LRRC4C: variants seen among roughly 807,000 people sequenced by gnomAD.
LRRC4C encodes the protein leucine-rich repeat-containing protein 4C.
LRRC4C carries 5 observed loss-of-function variants against 33.6 expected under a neutral mutation model. That is an observed-to-expected ratio of 0.15 (90% confidence interval 0.08 to 0.31). The LOEUF is 0.31. LRRC4C is among the 10% of genes least tolerant of loss of function. LRRC4C has a pLI of 1.00. For synonymous variants in LRRC4C, 329 were observed against 302.0 expected, an observed-to-expected ratio of 1.09 and a Z score of -0.93; for missense variants, 560 against 796.7, an observed-to-expected ratio of 0.70 and a Z score of 3.58.
chr11:40,480,946 G>C (rs74762520), intron 3 of LRRC4C, among the ~76,000 whole-genome samples: 1,562 of 151,834 alleles, frequency 0.01, 25 homozygotes, highest in African/African-American at 0.036. Flanking sequence ...AGTGGGGAGA[G>C]GTTGTTTAAA....
intron 1 of LRRC4C, among the ~76,000 whole-genome samples, chr11:40,951,249 A>AG (rs910989938): frequency 1.3e-4 from 19 of 151,998 alleles, no homozygotes; most frequent in African/African-American, 4.6e-4. Flanking sequence ...AAAAGAAGAA[A>AG]GCCTTGTTTT....
At chr11:40,699,399 A>C (rs1945753198) in intron 2 of LRRC4C, among the ~76,000 whole-genome samples, 1 of 152,204 alleles carries the variant, frequency 6.6e-6, no homozygotes. Context: ...ATTTTTTAAA[A>C]ATCATTTATA....
Position 41,192,725 on chromosome 11 carries a change from A to T in LRRC4C, c.-495-259002T>A, listed in dbSNP as rs1048362412. Among the ~76,000 whole-genome samples, 59 of 152,124 alleles carry T rather than the reference A, an allele frequency of 3.9e-4. 1 individual carries two copies. The highest frequency in any genetic ancestry group is 2.6e-3 in the Admixed American group (39 of 15,258). Reference sequence around the variant, plus strand: ...ACCCGTAGAGTCAGAATCGAGAAAAAGCAAAATCATTACAGGACAACTTAA... The same window carrying T: ...ACCCGTAGAGTCAGAATCGAGAAAATGCAAAATCATTACAGGACAACTTAA... On this transcript the variant is annotated intron_variant, in intron 1 of 6. Coordinates refer to ENST00000528697, the MANE Select transcript of LRRC4C (RefSeq NM_001258419.2).
intron 3 of LRRC4C, among the ~76,000 whole-genome samples, chr11:40,353,408 T>C (rs965802159): frequency 1.3e-5 from 2 of 152,102 alleles, no homozygotes; most frequent in African/African-American, 4.8e-5. Flanking sequence ...GGTCCAGAAT[T>C]TCCGTTTGAT....
intron 2 of LRRC4C, among the ~76,000 whole-genome samples, chr11:40,705,814 T>A (rs540579774): frequency 5.3e-5 from 8 of 152,218 alleles, no homozygotes; most frequent in African/African-American, 1.4e-4. Flanking sequence ...TAGTTTACAC[T>A]CCCACCAACA....
chr11:41,005,329 C>T (rs1001012834), intron 1 of LRRC4C, among the ~76,000 whole-genome samples: 1 of 152,286 alleles, frequency 6.6e-6, no homozygotes, highest in African/African-American at 2.4e-5. Context: ...CCTGGCTGGG[C>T]GTGATGGCTC....
At chr11:40,859,157 T>A (rs1201519257) in intron 2 of LRRC4C, among the ~76,000 whole-genome samples, 1 of 152,150 alleles carries the variant, frequency 6.6e-6, no homozygotes, top group Non-Finnish European at 1.5e-5. Flanking sequence ...TCATGGTGTA[T>A]CAGTAATATA....
chr11:41,017,665 T>C (rs890251076), intron 1 of LRRC4C, among the ~76,000 whole-genome samples: 3 of 151,716 alleles, frequency 2.0e-5, no homozygotes, highest in African/African-American at 7.3e-5. Context: ...ATAATACTAC[T>C]ATGGAGAAAA....
At chr11:40,408,856 G>A (rs575238782) in intron 3 of LRRC4C, among the ~76,000 whole-genome samples, 1 of 152,024 alleles carries the variant, frequency 6.6e-6, no homozygotes, top group Admixed American at 6.6e-5. Context: ...CAGATTTGAT[G>A]CAATCCCCAT....
At chr11:40,234,816 G>A (rs2136040845) in intron 5 of LRRC4C, among the ~76,000 whole-genome samples, 1 of 152,276 alleles carries the variant, frequency 6.6e-6, no homozygotes, top group Non-Finnish European at 1.5e-5. Context: ...CTGTGCATTA[G>A]AGGGTGTTTA....
At chr11:40,870,877 C>T (rs537213943) in intron 2 of LRRC4C, among the ~76,000 whole-genome samples, 11 of 152,204 alleles carry the variant, frequency 7.2e-5, no homozygotes, top group Admixed American at 5.9e-4. Flanking sequence ...CTCTGACTGC[C>T]GGTGAGCCAT....
chr11:40,305,389 T>C (rs1944980867), intron 4 of LRRC4C, among the ~76,000 whole-genome samples: 1 of 152,206 alleles, frequency 6.6e-6, no homozygotes, highest in African/African-American at 2.4e-5. Flanking sequence ...CATAGAATGG[T>C]ACCAAGCACA....
At chr11:40,553,410 TTA>T (rs1164616384) in intron 3 of LRRC4C, among the ~76,000 whole-genome samples, 1 of 152,210 alleles carries the variant, frequency 6.6e-6, no homozygotes, top group African/African-American at 2.4e-5. Flanking sequence ...CCAGGAGAAT[TTA>T]AAATAGCTAT....
chr11:41,324,533 C>G (rs1420777233), intron 1 of LRRC4C, among the ~76,000 whole-genome samples: 1 of 152,138 alleles, frequency 6.6e-6, no homozygotes, highest in Non-Finnish European at 1.5e-5. Context: ...AATAATCCTT[C>G]AGCGAATTTT....
intron 2 of LRRC4C, among the ~76,000 whole-genome samples, chr11:40,734,792 T>A (rs1231770395): frequency 2.6e-5 from 4 of 152,106 alleles, no homozygotes; most frequent in African/African-American, 7.2e-5. Context: ...GGTGTCAAGG[T>A]AACGGAATTA....
At chr11:40,274,494 G>T (rs1049364043) in intron 4 of LRRC4C, among the ~76,000 whole-genome samples, 2 of 149,302 alleles carry the variant, frequency 1.3e-5, no homozygotes, top group African/African-American at 2.5e-5. Context: ...GAAGGACTTG[G>T]CTAGACATGG....
chr11:41,094,340 A>T (rs748932276), intron 1 of LRRC4C, among the ~76,000 whole-genome samples: 6 of 151,914 alleles, frequency 3.9e-5, no homozygotes, highest in Non-Finnish European at 7.4e-5. Context: ...CCTGGCTAAC[A>T]CGGTGAAACC....
chr11:41,216,899 T>G (rs1029777575), intron 1 of LRRC4C, among the ~76,000 whole-genome samples: 1 of 152,230 alleles, frequency 6.6e-6, no homozygotes, highest in Non-Finnish European at 1.5e-5. Flanking sequence ...TAATTTATAT[T>G]GCTCACTTGA....
intron 1 of LRRC4C, among the ~76,000 whole-genome samples, chr11:41,149,248 G>A (rs1590756080): frequency 3.3e-5 from 5 of 152,266 alleles, no homozygotes; most frequent in Admixed American, 3.3e-4. Context: ...GCTCACGCCT[G>A]TAATCCCAGC....
Sources: gnomAD v4.1 joint callset for allele counts (sites outside exome capture counted in the v4.1 genomes callset) on GRCh38, gnomAD v4.1.1 for gene constraint, MANE v1.5 for transcripts, NCBI Gene and HGNC (gene_info 2026-07-23, HGNC 2026-07-21) for gene names.